TRIO: variants seen among roughly 807,000 people sequenced by gnomAD.
The protein encoded by TRIO is triple functional domain protein.
TRIO carries 58 observed loss-of-function variants against 351.9 expected under a neutral mutation model. That is an observed-to-expected ratio of 0.16 (90% CI 0.13 to 0.21). The LOEUF (loss-of-function observed/expected upper bound fraction) is 0.21, where lower values mean the gene tolerates loss of function less well. Among genes scored for constraint, TRIO ranks in the 10% least tolerant of loss-of-function variants. The probability of loss-of-function intolerance (pLI) is 1.00; values close to 1 mark genes in which losing one functional copy is unlikely to be tolerated. For synonymous variants in TRIO, 1,758 were observed against 1,595.7 expected (o/e 1.10, Z -2.42); for missense variants, 3,201 against 4,027.8 (o/e 0.79, Z 5.56).
At chr5:14,453,936 G>A (rs1449247648) in intron 34 of TRIO, among the ~76,000 whole-genome samples, 1 of 152,068 alleles carries the variant, frequency 6.6e-6, no homozygotes, top group African/African-American at 2.4e-5. Flanking sequence ...CATAATAGAT[G>A]CATCTTTTTT....
chr5:14,480,045 G>C (rs760160199), intron 43 of TRIO, 34 bp downstream of exon 43: 1 of 1,599,562 alleles, frequency 6.3e-7, no homozygotes, highest in South Asian at 1.1e-5. Context: ...CTGGTGTCAG[G>C]AGTGAGTTTG....
intron 40 of TRIO, among the ~76,000 whole-genome samples, chr5:14,474,650 G>A (rs1754917454): frequency 6.6e-6 from 1 of 152,100 alleles, no homozygotes; most frequent in Non-Finnish European, 1.5e-5. Flanking sequence ...ACACTCATTT[G>A]TCCAATTATT....
At chr5:14,147,416 T>C (rs1460968566) in intron 1 of TRIO, among the ~76,000 whole-genome samples, 1 of 152,212 alleles carries the variant, frequency 6.6e-6, no homozygotes, top group African/African-American at 2.4e-5. Context: ...TGGCAATAAA[T>C]CATTCTTTCA....
chr5:14,246,174 A>G (rs1794426541), intron 1 of TRIO, among the ~76,000 whole-genome samples: 1 of 152,242 alleles, frequency 6.6e-6, no homozygotes, highest in Non-Finnish European at 1.5e-5. Context: ...CAGAAGGTGA[A>G]AGTTCAAAAT....
At chr5:14,282,700 A>G (rs1443301895) in intron 3 of TRIO, among the ~76,000 whole-genome samples, 1 of 152,164 alleles carries the variant, frequency 6.6e-6, no homozygotes, top group East Asian at 1.9e-4. Flanking sequence ...TTCTCTAATT[A>G]TTCACCTGGT....
intron 11 of TRIO, among the ~76,000 whole-genome samples, chr5:14,353,870 C>T (rs1460216135): frequency 6.6e-6 from 1 of 152,246 alleles, no homozygotes; most frequent in Non-Finnish European, 1.5e-5. Context: ...CATTTTTCAT[C>T]TTCTCTTCAC....
intron 10 of TRIO, among the ~76,000 whole-genome samples, chr5:14,331,554 A>G (rs1371985129): frequency 6.6e-6 from 1 of 152,158 alleles, no homozygotes; most frequent in East Asian, 1.9e-4. Context: ...CTAAATATAG[A>G]TTTATTATAT....
intron 3 of TRIO, among the ~76,000 whole-genome samples, chr5:14,282,093 CTA>C (rs1171568057): frequency 5.9e-5 from 9 of 152,176 alleles, no homozygotes; most frequent in Non-Finnish European, 1.3e-4. Context: ...TATGAGAAAA[CTA>C]TCACTGTGTG....
chr5:14,206,888 A>G (rs539469400), intron 1 of TRIO, among the ~76,000 whole-genome samples: 2 of 152,288 alleles, frequency 1.3e-5, no homozygotes, highest in Non-Finnish European at 2.9e-5. Flanking sequence ...AGCATATATA[A>G]TCATGTTACA....
At chr5:14,357,892 T>C (rs116519591) in intron 11 of TRIO, among the ~76,000 whole-genome samples, 1,835 of 152,208 alleles carry the variant, frequency 0.012, 19 homozygotes, top group Non-Finnish European at 0.018. Context: ...CAGCTTCCCT[T>C]CCCTTTCCTT....
chr5:14,299,708 A>G (rs947131369), intron 7 of TRIO, among the ~76,000 whole-genome samples: 1 of 152,228 alleles, frequency 6.6e-6, no homozygotes, highest in Non-Finnish European at 1.5e-5. Flanking sequence ...GGAAAGGACC[A>G]GAAGCTTGGA....
At chr5:14,372,482 G>GT (rs1745207541) in intron 18 of TRIO, among the ~76,000 whole-genome samples, 1 of 152,052 alleles carries the variant, frequency 6.6e-6, no homozygotes, top group Non-Finnish European at 1.5e-5. Flanking sequence ...GGTAATAACT[G>GT]TTTTTTAGGA....
intron 2 of TRIO, among the ~76,000 whole-genome samples, chr5:14,275,183 TGTTA>T (rs1291134264): frequency 7.2e-5 from 11 of 152,380 alleles, no homozygotes; most frequent in Admixed American, 2.6e-4. Context: ...AATCTAAAAA[TGTTA>T]GTTCTTATGT....
intron 56 of TRIO, among the ~76,000 whole-genome samples, chr5:14,507,624 G>A (rs560309806): frequency 6.6e-6 from 1 of 152,162 alleles, no homozygotes; most frequent in East Asian, 1.9e-4. Context: ...AAAGCAGCCT[G>A]GTTTCATTAG....
At chr5:14,450,238 A>G (rs16903515) in intron 34 of TRIO, among the ~76,000 whole-genome samples, 8,409 of 152,304 alleles carry the variant, frequency 0.055, 754 homozygotes, top group African/African-American at 0.19. Flanking sequence ...GACATGACTC[A>G]TGAAGACTAG....
At chr5:14,371,485 A>T (rs1444947903) in intron 18 of TRIO, among the ~76,000 whole-genome samples, 1 of 152,224 alleles carries the variant, frequency 6.6e-6, no homozygotes, top group Non-Finnish European at 1.5e-5. Flanking sequence ...ATTATTTAAA[A>T]TTCTAGATAT....
At chr5:14,469,765 G>A (rs1754544523) in intron 37 of TRIO, among the ~76,000 whole-genome samples, 1 of 152,262 alleles carries the variant, frequency 6.6e-6, no homozygotes. Context: ...CAGCCGAGGG[G>A]CCTGGGGACT....
chr5:14,369,601 C>T lies in TRIO; in HGVS notation c.3216+78C>T, dbSNP rs1744906402. 2.0e-6 allele frequency: 3 copies of T among 1,481,362 alleles called. No individual in the cohort carries two copies. In the Admixed American group the frequency reaches 6.1e-5, roughly 30 times the overall value. The allele number at this position is 1,481,362 out of a possible 1,614,324, so 91.8% of individuals were successfully genotyped here. On this transcript the variant is annotated intron_variant, in intron 18 of 56. Transcript: ENST00000344204. ...GGTGCGCGTGGCACAGTCATCGCTT[C>T]CCAAGGGAGCCTGCCCCACACCTCT...
chr5:14,336,441 C>A, intron 10 of TRIO, 95 bp from the exon 11 acceptor site: 2 of 1,276,348 alleles, frequency 1.6e-6, no homozygotes, highest in South Asian at 1.4e-5. Context: ...TCAAAAATAT[C>A]ACAAATTGAC....
Sources: allele counts gnomAD v4.1 joint callset (sites outside exome capture counted in the v4.1 genomes callset), GRCh38; gene constraint gnomAD v4.1.1; transcripts MANE v1.5; gene names NCBI Gene and HGNC (gene_info 2026-07-23, HGNC 2026-07-21).